The following AFF4 variants were observed in gnomAD, a reference collection of about 807,000 sequenced individuals.
AFF4 encodes the protein AF4/FMR2 family member 4.
AFF4 carries 13 observed loss-of-function variants against 124.8 expected under a neutral mutation model. That is an observed-to-expected ratio of 0.10 (90% CI 0.07 to 0.17). AFF4 has a LOEUF of 0.17. Ranked by LOEUF, AFF4 falls within the 10% of genes least tolerant of loss-of-function variation. The pLI, the probability that AFF4 is intolerant of heterozygous loss-of-function variation, is 1.00. For synonymous variants in AFF4, 477 were observed against 496.1 expected (o/e 0.96, Z 0.51); for missense variants, 1,092 against 1,403.8 (o/e 0.78, Z 3.55).
intron 4 of AFF4, chr5:132,927,521 A>G: frequency 3.7e-6 from 1 of 268,584 alleles, no homozygotes; most frequent in South Asian, 4.5e-5. Context: ...TTGCTAGGAG[A>G]GTGGGAGGAA....
intron 1 of AFF4, among the ~76,000 whole-genome samples, chr5:132,958,985 T>C (rs1762020444): frequency 6.6e-6 from 1 of 152,170 alleles, no homozygotes; most frequent in African/African-American, 2.4e-5. Flanking sequence ...AGGAAATGAT[T>C]ATTGAAGTAA....
intron 5 of AFF4, among the ~76,000 whole-genome samples, chr5:132,908,743 A>G (rs763374488): frequency 4.1e-5 from 6 of 146,902 alleles, no homozygotes; most frequent in Non-Finnish European, 6.0e-5. Context: ...TATAATCTAT[A>G]CACTATATAT....
At chr5:132,906,085 C>T (rs1760664848) in intron 5 of AFF4, among the ~76,000 whole-genome samples, 1 of 152,182 alleles carries the variant, frequency 6.6e-6, no homozygotes, top group African/African-American at 2.4e-5. Flanking sequence ...ACTTCTCAAC[C>T]ACTAGGATGA....
chr5:132,937,059 C>A lies in AFF4; in HGVS notation c.123+8G>T. The A allele has an allele frequency of 6.3e-7, 1 of 1,588,948 alleles. No homozygotes were observed. Among genetic ancestry groups the A allele is most frequent in the African/African-American group, 1.3e-5 (1 of 74,468 alleles). On this transcript the variant is annotated splice_region_variant and intron_variant, in intron 2 of 20. Transcript: ENST00000265343. ...TGGGAAAAAAACATTCACAGAAGGG[C>A]AACTTACAACTTTGTATGGCTCTGC...
intron 5 of AFF4, among the ~76,000 whole-genome samples, chr5:132,908,060 G>A (rs1760709593): frequency 6.6e-6 from 1 of 151,936 alleles, no homozygotes; most frequent in African/African-American, 2.4e-5. Flanking sequence ...ACAAAATGAG[G>A]TTACTGGAGT....
intron 17 of AFF4, among the ~76,000 whole-genome samples, chr5:132,887,237 C>T (rs936108162): frequency 6.6e-6 from 1 of 152,170 alleles, no homozygotes; most frequent in Non-Finnish European, 1.5e-5. Context: ...AGAGCGGGTA[C>T]CAAATGAAGA....
At chr5:132,898,848 C>T (rs1309016302) in intron 9 of AFF4, among the ~76,000 whole-genome samples, 1 of 152,182 alleles carries the variant, frequency 6.6e-6, no homozygotes, top group Non-Finnish European at 1.5e-5. Flanking sequence ...CAGAGCTTCA[C>T]TGTAAATGAA....
At chr5:132,888,037 C>G (rs1481434463) in intron 15 of AFF4, 55 bp from the exon 16 acceptor site, 32 of 1,606,808 alleles carry the variant, frequency 2.0e-5, no homozygotes, top group Non-Finnish European at 2.6e-5. Context: ...CTACAAACAT[C>G]AGAAGATTAC....
At position 132,934,531 on chromosome 5, in the gene AFF4, A is replaced by C. The variant is rs943707910; in HGVS notation, c.534T>G (p.Ser178=). The C allele has an allele frequency of 1.2e-5, 19 of 1,614,068 alleles. No individual in the cohort carries two copies. Among genetic ancestry groups the C allele is most frequent in the Non-Finnish European group, 1.6e-5 (19 of 1,180,044 alleles). The change falls in exon 3 of 21, where the codon TCT becomes TCG. Residue 178 remains serine, a synonymous_variant. Transcript: ENST00000265343. Reference sequence around the variant, plus strand: ...CAGCCTGGGGTTTTCCAGGGCTGGAAGAACGTGATTTGGAGTGTTCTGATC... The same window carrying C: ...CAGCCTGGGGTTTTCCAGGGCTGGACGAACGTGATTTGGAGTGTTCTGATC... ...QHGSEHSKSR[S]SSPGKPQAVS...
At position 132,898,260 on chromosome 5, in the gene AFF4, T is replaced by C. The variant is rs767528815; in HGVS notation, c.1359A>G (p.Ala453=). The C allele has an allele frequency of 6.2e-7, 1 of 1,614,222 alleles. No homozygotes were observed. Residue 453 remains alanine (A), a synonymous_variant, in exon 10 of 21, where the codon GCA becomes GCG. Coordinates refer to ENST00000265343, the MANE Select transcript of AFF4 (RefSeq NM_014423.4). ...ESESSSSDSE[A]NEPSQSASPE... ...GAGATGCACTCTGGGATGGCTCATTTGCCTCACTGTCACTGGAACTACTTT... is the reference window on the plus strand; with the variant it reads ...GAGATGCACTCTGGGATGGCTCATTCGCCTCACTGTCACTGGAACTACTTT...
chr5:132,889,189 TA>T lies in AFF4; in HGVS notation c.2638-17del, dbSNP rs1451005769. The stretch of plus-strand genomic sequence containing the variant: ...GAGCCTTTTCCTGACCAAAAAAATA[TA>T]TAACTACAATGAAAACCGTAAGGAG... On this transcript the variant is annotated splice_polypyrimidine_tract_variant and intron_variant, in intron 13 of 20. Coordinates refer to ENST00000265343, the MANE Select transcript of AFF4 (RefSeq NM_014423.4). 4.5e-6 allele frequency: 7 copies of T among 1,564,710 alleles called. No homozygotes were observed. The African/African-American group carries it at 9.5e-5, about 21-fold the overall frequency.
chr5:132,924,241 G>A (rs1761119569), intron 5 of AFF4, among the ~76,000 whole-genome samples: 1 of 151,976 alleles, frequency 6.6e-6, no homozygotes, highest in Non-Finnish European at 1.5e-5. Flanking sequence ...GCAACAGACT[G>A]AGACTCTGTC....
At position 132,889,162 on chromosome 5, in the gene AFF4, T is replaced by C. The variant is rs772243093; in HGVS notation, c.2649A>G (p.Pro883=). ...ATGGAGGACAGTTAGAGGAGCTACT[T>C]GGAGCCTTTTCCTGACCAAAAAAAT... The part of the protein sequence containing the change: ...SSSKEVKEKA[P]SSSSNCPPSA... The change falls in exon 14 of 21, where the codon CCA becomes CCG. Residue 883 remains proline (P), a synonymous_variant. Transcript: ENST00000265343. 7 of 1,613,522 alleles carry C rather than the reference T, an allele frequency of 4.3e-6. No individual in the cohort carries two copies. The highest frequency in any genetic ancestry group is 1.7e-5 in the Admixed American group (1 of 60,004).
chr5:132,956,224 A>G (rs1330054864), intron 1 of AFF4, among the ~76,000 whole-genome samples: 1 of 152,138 alleles, frequency 6.6e-6, no homozygotes, highest in Admixed American at 6.6e-5. Flanking sequence ...TATAGTCACA[A>G]TTACTAAATT....
chr5:132,897,121 T>C lies in AFF4; in HGVS notation c.1509A>G (p.Lys503=). The change falls in exon 11 of 21, where the codon AAA becomes AAG. Residue 503 remains lysine, a synonymous_variant. Coordinates refer to ENST00000265343, the MANE Select transcript of AFF4 (RefSeq NM_014423.4). The part of the protein sequence containing the change: ...DSNIPSSQGY[K]KEGREQGTGN... Reference sequence around the variant, plus strand: ...CAGTGCCCTGCTCTCGGCCTTCCTTTTTGTAGCCTTGAGATGATGGGATGT... The same window carrying C: ...CAGTGCCCTGCTCTCGGCCTTCCTTCTTGTAGCCTTGAGATGATGGGATGT... 6.2e-7 allele frequency: 1 copy of C among 1,614,222 alleles called. No individual in the cohort carries two copies. The highest frequency in any genetic ancestry group is 1.1e-5 in the South Asian group (1 of 91,086).
At position 132,892,929 on chromosome 5, in the gene AFF4, G is replaced by A. The variant is rs967126839; in HGVS notation, c.2396+101C>T. 9.0e-6 allele frequency: 10 copies of A among 1,108,868 alleles called. No homozygotes were observed. The African/African-American group carries it at 1.4e-4, about 15-fold the overall frequency. 68.7% of individuals were successfully genotyped at this position (1,108,868 alleles called of 1,614,324 possible). On this transcript the variant is annotated intron_variant, in intron 12 of 20. Coordinates refer to ENST00000265343, the MANE Select transcript of AFF4 (RefSeq NM_014423.4). ...ATGTGTATGCATTTATATAACACTT[G>A]CTTACTAAAAGGAACACTCAGAGCA...
At position 132,931,138 on chromosome 5, in the gene AFF4, G is replaced by A. The variant is rs984561661; in HGVS notation, c.963+1040C>T. 1.2e-4 allele frequency among the ~76,000 whole-genome samples: 18 copies of A among 150,780 alleles called. No individual in the cohort carries two copies. In the East Asian group the frequency reaches 2.1e-3, roughly 18 times the overall value. On this transcript the variant is annotated intron_variant, in intron 4 of 20. Transcript: ENST00000265343. ...AAAAAAAAAAATGTGTAAAGCAGCC[G>A]GGTGCAGTGGCTCAGGCTATAATCC...
In AFF4 at chr5:132,934,329, A is replaced by T; in HGVS notation, c.736T>A (p.Ser246Thr). The T allele has an allele frequency of 6.2e-7, 1 of 1,613,964 alleles. No homozygotes were observed. ...QSFPPSLMSK[S>T]NSMLQKPTAY... ...GTGGGTTTCTGTAACATTGAATTGGACTTTGACATCAATGAGGGTGGGAAA... is the reference window on the plus strand; with the variant it reads ...GTGGGTTTCTGTAACATTGAATTGGTCTTTGACATCAATGAGGGTGGGAAA... The change falls in exon 3 of 21, where the codon TCC (serine) becomes ACC (threonine). Residue 246 changes from serine (S) to threonine (T), a missense_variant. By Grantham distance (58) the Ser-to-Thr change is moderately conservative (BLOSUM62 1). Around this residue, in one of 11 missense-constraint regions of AFF4, gnomAD observed 188 missense variants for 203.0 expected, o/e 0.93. Coordinates refer to ENST00000265343, the MANE Select transcript of AFF4 (RefSeq NM_014423.4).
At chr5:132,941,944 T>C (rs1475835394) in intron 1 of AFF4, among the ~76,000 whole-genome samples, 2 of 150,900 alleles carry the variant, frequency 1.3e-5, no homozygotes, top group Non-Finnish European at 1.5e-5. Flanking sequence ...GAGGCAGAGG[T>C]TGCAGTGAGA....
Sources: gnomAD v4.1 joint callset for allele counts (sites outside exome capture counted in the v4.1 genomes callset) on GRCh38, gnomAD v4.1.1 for gene constraint, gnomAD v4.1.1 regional missense constraint, MANE v1.5 for transcripts, NCBI Gene and HGNC (gene_info 2026-07-23, HGNC 2026-07-21) for gene names.